GALNT9: variants seen among roughly 807,000 people sequenced by gnomAD.
GALNT9 encodes polypeptide N-acetylgalactosaminyltransferase 9.
A neutral mutation model predicts 63.1 loss-of-function variants in GALNT9; 47 were observed. The ratio of observed to expected loss-of-function variants is 0.75; its 90% CI spans 0.59 to 0.95. The LOEUF is 0.95. GALNT9 is among the 40% of genes least tolerant of loss of function. The pLI, the probability that GALNT9 is intolerant of heterozygous loss-of-function variation, is 0.00. For missense variants in GALNT9, 829 were observed against 874.8 expected (o/e 0.95, Z 0.66); for synonymous variants, 396 against 365.7 (o/e 1.08, Z -0.94).
chr12:132,266,025 AC>A, intron 2 of GALNT9, among the ~76,000 whole-genome samples: 1 of 144,856 alleles, frequency 6.9e-6, no homozygotes, highest in African/African-American at 2.7e-5. Context: ...TACACGCCCG[AC>A]CTCGCCGTAT....
At chr12:132,220,029 T>A (rs968531781) in intron 6 of GALNT9, among the ~76,000 whole-genome samples, 3 of 152,156 alleles carry the variant, frequency 2.0e-5, no homozygotes, top group Non-Finnish European at 4.4e-5. Flanking sequence ...GGAGACGCTC[T>A]GAAACTTTCT....
intron 6 of GALNT9, among the ~76,000 whole-genome samples, chr12:132,215,695 G>T (rs1457507316): frequency 6.6e-6 from 1 of 152,222 alleles, no homozygotes; most frequent in South Asian, 2.1e-4. Context: ...CCACGAGGCC[G>T]GGCTGGCACC....
chr12:132,293,753 C>T (rs181350323), intron 1 of GALNT9, among the ~76,000 whole-genome samples: 47 of 152,120 alleles, frequency 3.1e-4, no homozygotes, highest in African/African-American at 8.0e-4. Flanking sequence ...AACGAGAAGC[C>T]AGGTGAGCCC....
chr12:132,292,204 T>C (rs1253877530), intron 1 of GALNT9, among the ~76,000 whole-genome samples: 7 of 152,224 alleles, frequency 4.6e-5, no homozygotes, highest in African/African-American at 1.4e-4. Context: ...CTACGCTCTC[T>C]GCTTCCCCTC....
chr12:132,255,662 G>A lies in GALNT9; in HGVS notation c.959+2027C>T, dbSNP rs576850222. Among the ~76,000 whole-genome samples, 6 of 152,104 alleles carry A rather than the reference G, an allele frequency of 3.9e-5. 1 individual carries two copies. Among genetic ancestry groups the A allele is most frequent in the Admixed American group, 1.3e-4 (2 of 15,268 alleles). On this transcript the variant is annotated intron_variant, in intron 5 of 10. Coordinates refer to ENST00000328957, the MANE Select transcript of GALNT9 (RefSeq NM_001122636.2). The stretch of plus-strand genomic sequence containing the variant: ...TACCAATCAGAAAATCTTTGAATCC[G>A]CCCATGGCCTGGAAGTCCCCACTTC...
intron 2 of GALNT9, among the ~76,000 whole-genome samples, chr12:132,271,551 G>A (rs1017991484): frequency 3.3e-5 from 5 of 152,106 alleles, no homozygotes; most frequent in Non-Finnish European, 4.4e-5. Flanking sequence ...CCGAGGTGAC[G>A]CCGACGTGGG....
intron 3 of GALNT9, among the ~76,000 whole-genome samples, chr12:132,261,488 T>C (rs1879384857): frequency 6.6e-6 from 1 of 152,114 alleles, no homozygotes; most frequent in Non-Finnish European, 1.5e-5. Flanking sequence ...GGGCAGGGTG[T>C]CCTGATGGAG....
At chr12:132,230,484 C>T (rs1349518995) in intron 6 of GALNT9, among the ~76,000 whole-genome samples, 2 of 152,248 alleles carry the variant, frequency 1.3e-5, no homozygotes, top group African/African-American at 4.8e-5. Flanking sequence ...GCCCCATAAC[C>T]CACGCGGGCT....
chr12:132,241,094 C>G lies in GALNT9; in HGVS notation c.1077+6816G>C, dbSNP rs2136900711. 4.5e-3 allele frequency among the ~76,000 whole-genome samples: 197 copies of G among 43,586 alleles called. 1 individual carries two copies. Among genetic ancestry groups the G allele is most frequent in the South Asian group, 0.013 (11 of 854 alleles). 28.6% of individuals were successfully genotyped at this position (43,586 alleles called of 152,430 possible). ...CACGCCACACACCCTTCCCGGGGCC[C>G]TCCCTATACCCATTACACACACAAC... On this transcript the variant is annotated intron_variant, in intron 6 of 10. Coordinates refer to ENST00000328957, the MANE Select transcript of GALNT9 (RefSeq NM_001122636.2).
At chr12:132,208,025 A>G (rs1773312275) in intron 6 of GALNT9, among the ~76,000 whole-genome samples, 1 of 152,064 alleles carries the variant, frequency 6.6e-6, no homozygotes, top group Non-Finnish European at 1.5e-5. Context: ...ACATATTTTG[A>G]AGCCAGGGAC....
chr12:132,301,210 A>C (rs181086083), intron 1 of GALNT9, among the ~76,000 whole-genome samples: 1 of 152,386 alleles, frequency 6.6e-6, no homozygotes, highest in Non-Finnish European at 1.5e-5. Flanking sequence ...AAAGGGACCA[A>C]GAAAGGCACC....
intron 10 of GALNT9, 31 bp downstream of exon 10, chr12:132,197,759 CAA>C: frequency 7.1e-7 from 1 of 1,403,258 alleles, no homozygotes; most frequent in Non-Finnish European, 9.8e-7. Context: ...TGCCCCGCCC[CAA>C]CCCCACGGCC....
intron 1 of GALNT9, among the ~76,000 whole-genome samples, chr12:132,312,107 T>C (rs1377647346): frequency 6.6e-6 from 1 of 152,198 alleles, no homozygotes; most frequent in East Asian, 1.9e-4. Context: ...ACTAATAACA[T>C]ATTGTCAATA....
intron 6 of GALNT9, among the ~76,000 whole-genome samples, chr12:132,206,321 T>C (rs1462482229): frequency 6.6e-6 from 1 of 152,158 alleles, no homozygotes; most frequent in Non-Finnish European, 1.5e-5. Context: ...GCCTCCAGCC[T>C]TCAAAGCTCT....
intron 2 of GALNT9, among the ~76,000 whole-genome samples, chr12:132,269,702 G>A (rs1050001585): frequency 2.0e-5 from 3 of 152,338 alleles, no homozygotes; most frequent in African/African-American, 4.8e-5. Context: ...AATAGACGCC[G>A]CTGGGAACGC....
chr12:132,201,458 C>T (rs1212652354), intron 7 of GALNT9, among the ~76,000 whole-genome samples, 197 bp from the exon 8 acceptor site: 1 of 152,108 alleles, frequency 6.6e-6, no homozygotes, highest in East Asian at 1.9e-4. Flanking sequence ...GGCAGCTGCT[C>T]CTGATGGGAA....
rs1330373492 is a variant in GALNT9 at position 132,196,754 on chromosome 12, CCGGGGCTTGGCCTCCCTA to C, written c.*335_*352del. 5 of 1,058,648 alleles carry C rather than the reference CCGGGGCTTGGCCTCCCTA, an allele frequency of 4.7e-6. No individual in the cohort carries two copies. The African/African-American group carries it at 8.4e-5, about 18-fold the overall frequency. The allele number at this position is 1,058,648 out of a possible 1,614,324, so 65.6% of individuals were successfully genotyped here. On this transcript the variant is annotated 3_prime_UTR_variant, in exon 11 of 11. Coordinates refer to ENST00000328957, the MANE Select transcript of GALNT9 (RefSeq NM_001122636.2). ...ACCAGGGTGCAGCCTGGTGCATGGT[CCGGGGCTTGGCCTCCCTA>C]TGGGGCGTGGGGGGCTGTGGTACAT...
chr12:132,312,110 T>C (rs1881835717), intron 1 of GALNT9, among the ~76,000 whole-genome samples: 1 of 152,246 alleles, frequency 6.6e-6, no homozygotes, highest in South Asian at 2.1e-4. Context: ...AATAACATAT[T>C]GTCAATAGTG....
intron 6 of GALNT9, among the ~76,000 whole-genome samples, chr12:132,209,374 AT>A (rs1876858953): frequency 3.4e-5 from 5 of 148,074 alleles, no homozygotes; most frequent in African/African-American, 1.3e-4. Context: ...AAAAAAATAA[AT>A]AAATAAATAA....
Sources: allele counts gnomAD v4.1 joint callset (sites outside exome capture counted in the v4.1 genomes callset), GRCh38; gene constraint gnomAD v4.1.1; transcripts MANE v1.5; gene names NCBI Gene and HGNC (gene_info 2026-07-23, HGNC 2026-07-21).